The following ZNF536 variants were observed in gnomAD, a reference collection of about 807,000 sequenced individuals.
ZNF536 encodes the protein zinc finger protein 536.
Under a neutral mutation model 84.5 loss-of-function variants are expected in ZNF536, and 13 were observed. The ratio of observed to expected loss-of-function variants is 0.15; its 90% CI spans 0.10 to 0.24. The LOEUF (loss-of-function observed/expected upper bound fraction) is 0.24. ZNF536 is among the 10% of genes least tolerant of loss of function. The probability of loss-of-function intolerance (pLI) is 1.00; values close to 1 mark genes in which losing one functional copy is unlikely to be tolerated. For synonymous variants in ZNF536, 811 were observed against 742.5 expected, an observed-to-expected ratio of 1.09 and a Z score of -1.50; for missense variants, 1,536 against 1,747.5, an observed-to-expected ratio of 0.88 and a Z score of 2.16.
At chr19:30,466,392 C>T (rs1421638784) in intron 2 of ZNF536, among the ~76,000 whole-genome samples, 1 of 148,016 alleles carries the variant, frequency 6.8e-6, no homozygotes, top group African/African-American at 2.5e-5. Context: ...AAAAAAAAAA[C>T]CCAAACCAAA....
intron 1 of ZNF536, among the ~76,000 whole-genome samples, chr19:30,247,057 G>A (rs1252182163): frequency 6.6e-6 from 1 of 152,200 alleles, no homozygotes; most frequent in Non-Finnish European, 1.5e-5. Context: ...TTCCGCTGGG[G>A]TTTGGGCATT....
intron 2 of ZNF536, among the ~76,000 whole-genome samples, chr19:30,447,687 T>G (rs1175662326): frequency 6.6e-6 from 1 of 152,208 alleles, no homozygotes; most frequent in Non-Finnish European, 1.5e-5. Flanking sequence ...GGTGTCCCAA[T>G]GTCAGGAGGA....
chr19:30,701,300 CACAA>C (rs1261398717), intron 1 of ZNF536, among the ~76,000 whole-genome samples: 2 of 151,704 alleles, frequency 1.3e-5, no homozygotes, highest in East Asian at 1.9e-4. Flanking sequence ...AACACACATA[CACAA>C]ACACACACAG....
At chr19:30,496,162 G>A (rs188688467) in intron 2 of ZNF536, among the ~76,000 whole-genome samples, 1 of 152,202 alleles carries the variant, frequency 6.6e-6, no homozygotes, top group African/African-American at 2.4e-5. Flanking sequence ...CACTGCTCCT[G>A]GCTCTCTGTC....
chr19:30,640,626 C>T (rs2049235536), intron 1 of ZNF536, among the ~76,000 whole-genome samples: 1 of 152,164 alleles, frequency 6.6e-6, no homozygotes, highest in Non-Finnish European at 1.5e-5. Context: ...GCCTGCAAGG[C>T]AGGGAGGTTT....
At chr19:30,705,669 T>G (rs1490449695) in intron 1 of ZNF536, among the ~76,000 whole-genome samples, 1 of 152,160 alleles carries the variant, frequency 6.6e-6, no homozygotes, top group Admixed American at 6.5e-5. Flanking sequence ...TTCAGGGTCT[T>G]TAGGTACTAT....
At chr19:30,365,843 A>T (rs35922718) in intron 3 of ZNF536, among the ~76,000 whole-genome samples, 21,957 of 152,264 alleles carry the variant, frequency 0.14, 2,008 homozygotes, top group Middle Eastern at 0.28. Context: ...TGTCCTGGAT[A>T]ATAATAGCTA....
At chr19:30,400,777 T>A (rs921061458) in intron 1 of ZNF536, among the ~76,000 whole-genome samples, 8 of 152,212 alleles carry the variant, frequency 5.3e-5, no homozygotes, top group Non-Finnish European at 1.0e-4. Context: ...GTCAGATACA[T>A]GGTTTGCAAA....
intron 1 of ZNF536, among the ~76,000 whole-genome samples, chr19:30,563,802 G>A (rs999933130): frequency 3.9e-5 from 6 of 152,186 alleles, no homozygotes; most frequent in South Asian, 2.1e-4. Flanking sequence ...TGGGCGTGAC[G>A]GATGCTCTAG....
At chr19:30,464,380 G>C (rs574931210) in intron 2 of ZNF536, among the ~76,000 whole-genome samples, 179 of 152,258 alleles carry the variant, frequency 1.2e-3, no homozygotes, top group African/African-American at 4.0e-3. Context: ...GAGGGGTAAA[G>C]GTCAATCAGC....
chr19:30,389,893 A>G (rs993408687), intron 1 of ZNF536, among the ~76,000 whole-genome samples: 10 of 152,210 alleles, frequency 6.6e-5, no homozygotes, highest in African/African-American at 2.4e-4. Flanking sequence ...TAAGGTCTCT[A>G]GAAAAAGATT....
At chr19:30,270,246 A>C (rs1179700033) in intron 1 of ZNF536, among the ~76,000 whole-genome samples, 1 of 152,198 alleles carries the variant, frequency 6.6e-6, no homozygotes, top group African/African-American at 2.4e-5. Flanking sequence ...TTAGCCTGCC[A>C]ACCCCTGGAA....
chr19:30,709,714 C>T (rs531689618), intron 1 of ZNF536, among the ~76,000 whole-genome samples: 1 of 152,334 alleles, frequency 6.6e-6, no homozygotes, highest in Admixed American at 6.5e-5. Flanking sequence ...CAGCCTCAAA[C>T]ACCTGGCTCA....
chr19:30,569,738 T>G (rs1640487245), intron 1 of ZNF536, among the ~76,000 whole-genome samples: 1 of 151,704 alleles, frequency 6.6e-6, no homozygotes, highest in South Asian at 2.1e-4. Context: ...GCCTGGCTAA[T>G]TTTTGTATTT....
At chr19:30,601,589 C>G (rs528270341) in intron 1 of ZNF536, among the ~76,000 whole-genome samples, 1 of 152,302 alleles carries the variant, frequency 6.6e-6, no homozygotes, top group Non-Finnish European at 1.5e-5. Context: ...GCCATCAGCT[C>G]CTCAGATGGG....
At chr19:30,375,703 C>T (rs2048791161) in intron 1 of ZNF536, among the ~76,000 whole-genome samples, 2 of 152,200 alleles carry the variant, frequency 1.3e-5, no homozygotes, top group South Asian at 4.1e-4. Context: ...AATGTGCCGG[C>T]GTGGCACGTG....
At chr19:30,473,839 G>T (rs1241984586) in intron 2 of ZNF536, among the ~76,000 whole-genome samples, 1 of 152,148 alleles carries the variant, frequency 6.6e-6, no homozygotes, top group Non-Finnish European at 1.5e-5. Flanking sequence ...CTCCTCCAGG[G>T]ATGAATGTTC....
In ZNF536 at chr19:30,655,015, C is replaced by T. The variant is rs545874719; in HGVS notation, c.170-55742C>T. Among the ~76,000 whole-genome samples the T allele has an allele frequency of 4.6e-5, 7 of 152,318 alleles. No homozygotes were observed. The South Asian group carries it at 1.0e-3, about 23-fold the overall frequency. On this transcript the variant is annotated intron_variant, in intron 1 of 1. Transcript: ENST00000592773. ...TGCACAGTGAACAAGTGAGGAGTGG[C>T]CTGAGGCACCTGGCTGTGCTCCTAC...
At position 30,667,625 on chromosome 19, in the gene ZNF536, C is replaced by CTTTTTTTTTTTTTT. The variant is rs57656065; in HGVS notation, c.170-43130_170-43117dup. ...CTCTCTCAGCTAGAGTTTTTTCTAG[C>CTTTTTTTTTTTTTT]TTTTTTTTTTTTTTTAATTAATGAG... On this transcript the variant is annotated intron_variant, in intron 1 of 1. Coordinates refer to the ZNF536 transcript ENST00000592773. 3.4e-4 allele frequency among the ~76,000 whole-genome samples: 42 copies of CTTTTTTTTTTTTTT among 123,986 alleles called. 2 individuals are homozygous for CTTTTTTTTTTTTTT. Among genetic ancestry groups the CTTTTTTTTTTTTTT allele is most frequent in the East Asian group, 7.5e-4 (3 of 4,014 alleles). 81.3% of individuals were successfully genotyped at this position (123,986 alleles called of 152,430 possible).
Sources: allele counts gnomAD v4.1 joint callset (sites outside exome capture counted in the v4.1 genomes callset), GRCh38; gene constraint gnomAD v4.1.1; transcripts MANE v1.5; gene names NCBI Gene and HGNC (gene_info 2026-07-23, HGNC 2026-07-21).